The following MBOAT1 variants were observed in gnomAD, a reference collection of about 807,000 sequenced individuals.
The protein encoded by MBOAT1 is membrane bound glycerophospholipid O-acyltransferase 1.
MBOAT1 carries 67 observed loss-of-function variants against 64.4 expected under a neutral mutation model. The observed-to-expected ratio is 1.04, with a 90% confidence interval of 0.85 to 1.27. MBOAT1 has a LOEUF of 1.27. Ranked by LOEUF, MBOAT1 falls within the 50% of genes most tolerant of loss-of-function variation. The probability of loss-of-function intolerance (pLI) is 0.00; values close to 1 mark genes in which losing one functional copy is unlikely to be tolerated. For missense variants in MBOAT1, 563 were observed against 604.6 expected (o/e 0.93, Z 0.72); for synonymous variants, 229 against 218.9 (o/e 1.05, Z -0.41).
chr6:20,103,443 G>A (rs1354722738), intron 12 of MBOAT1, among the ~76,000 whole-genome samples: 1 of 151,786 alleles, frequency 6.6e-6, no homozygotes, highest in Non-Finnish European at 1.5e-5. Flanking sequence ...TTGTTTGTTT[G>A]TTGTTGAGAT....
intron 1 of MBOAT1, 117 bp downstream of exon 1, chr6:20,212,019 A>T: frequency 1.3e-6 from 1 of 771,110 alleles, no homozygotes; most frequent in Non-Finnish European, 2.1e-6. Context: ...CCAACTGTCT[A>T]GTGTGTGGCT....
At chr6:20,128,526 C>T (rs1189604119) in intron 6 of MBOAT1, among the ~76,000 whole-genome samples, 173 bp downstream of exon 6, 1 of 152,204 alleles carries the variant, frequency 6.6e-6, no homozygotes, top group Non-Finnish European at 1.5e-5. Context: ...CACTTAATCA[C>T]TTGTAAAAAC....
In MBOAT1 at chr6:20,126,676, G is replaced by A. The variant is rs1760662706; in HGVS notation, c.555C>T (p.Tyr185=). ...AIKVKPSFLE[Y]LSYLLNFMSV... ...TCATGAAATTGAGAAGGTAACTTAA[G>A]TATTCCAAAAAAGAGGGTTTCACTC... is the stretch of plus-strand genomic sequence containing the variant. Residue 185 remains tyrosine, a synonymous_variant, in exon 7 of 13, where the codon TAC becomes TAT. Coordinates refer to ENST00000324607, the MANE Select transcript of MBOAT1 (RefSeq NM_001080480.3). The A allele has an allele frequency of 1.9e-6, 3 of 1,610,052 alleles. No individual in the cohort carries two copies. The highest frequency in any genetic ancestry group is 1.1e-5 in the South Asian group (1 of 90,008).
Position 20,212,352 on chromosome 6 carries a change from C to CTCCCCCGCGAACCA in MBOAT1, c.-119_-118insTGGTTCGCGGGGGA. 1.1e-6 allele frequency: 1 copy of CTCCCCCGCGAACCA among 885,650 alleles called. No homozygotes were observed. The highest frequency in any genetic ancestry group is 1.7e-6 in the Non-Finnish European group (1 of 585,924). The allele number at this position is 885,650 out of a possible 1,614,324, so 54.9% of individuals were successfully genotyped here. A position where few individuals can be genotyped will look rare whatever the true frequency, so the allele number is the denominator to read the frequency against. On this transcript the variant is annotated 5_prime_UTR_variant, in exon 1 of 13. Transcript: ENST00000324607. ...GAGAGGCGCACGGCCGCCTGGTTCG[C>CTCCCCCGCGAACCA]GGGGGAGCGAACGGGAGGCCGGGGA...
chr6:20,146,761 C>A (rs189132470), intron 3 of MBOAT1, among the ~76,000 whole-genome samples: 2 of 152,298 alleles, frequency 1.3e-5, no homozygotes, highest in Non-Finnish European at 2.9e-5. Context: ...TTTAGTAGGA[C>A]CCCGCCTGCC....
intron 1 of MBOAT1, among the ~76,000 whole-genome samples, chr6:20,172,071 A>C (rs1317545197): frequency 1.3e-5 from 2 of 152,090 alleles, no homozygotes; most frequent in Non-Finnish European, 2.9e-5. Flanking sequence ...AACAAGAAGA[A>C]GAAGAAAAAG....
intron 1 of MBOAT1, among the ~76,000 whole-genome samples, chr6:20,207,691 T>C (rs1394835880): frequency 3.3e-5 from 5 of 152,222 alleles, no homozygotes; most frequent in African/African-American, 1.2e-4. Flanking sequence ...GACTTCAAAT[T>C]AGTTTGGAAT....
intron 8 of MBOAT1, among the ~76,000 whole-genome samples, chr6:20,120,600 C>T (rs757168686): frequency 2.0e-5 from 3 of 151,936 alleles, no homozygotes; most frequent in East Asian, 1.9e-4. Context: ...ACCCAGGACG[C>T]GGAGGTTACA....
intron 1 of MBOAT1, among the ~76,000 whole-genome samples, chr6:20,168,513 GAGAGGAGAGGAGAGA>G (rs1421298877): frequency 3.6e-5 from 5 of 139,968 alleles, no homozygotes; most frequent in South Asian, 4.7e-4. Context: ...GAGAGGAGAG[GAGAGGAGAGGAGAGA>G]AGAGGAGAGG....
intron 1 of MBOAT1, among the ~76,000 whole-genome samples, chr6:20,170,892 C>CTGAATGAA (rs36129397): frequency 0.015 from 2,210 of 150,590 alleles, 17 homozygotes; most frequent in Non-Finnish European, 0.023. Context: ...TCTCAATATT[C>CTGAATGAA]TGAATGAATG....
chr6:20,126,435 G>T, intron 7 of MBOAT1, 82 bp downstream of exon 7: 4 of 1,185,422 alleles, frequency 3.4e-6, no homozygotes, highest in South Asian at 1.5e-5. Context: ...CTGGTAAACT[G>T]TTTGGCTTCT....
chr6:20,162,985 G>A lies in MBOAT1; in HGVS notation c.100-10216C>T, dbSNP rs552777132. 4.6e-5 allele frequency among the ~76,000 whole-genome samples: 7 copies of A among 152,274 alleles called. No homozygotes were observed. The East Asian group carries it at 1.3e-3, about 29-fold the overall frequency. On this transcript the variant is annotated intron_variant, in intron 1 of 12. Transcript: ENST00000324607. ...TCCTTATACACTTAGAGATTAAATT[G>A]TACAGGGAGACTTTTGGCTTACCTT...
intron 1 of MBOAT1, among the ~76,000 whole-genome samples, chr6:20,196,196 G>A (rs995886974): frequency 2.6e-5 from 4 of 152,190 alleles, no homozygotes; most frequent in African/African-American, 9.7e-5. Flanking sequence ...CCTGGATTGG[G>A]AATACCTCAG....
chr6:20,111,932 A>T (rs1760183701), intron 11 of MBOAT1, among the ~76,000 whole-genome samples: 1 of 146,458 alleles, frequency 6.8e-6, no homozygotes, highest in Non-Finnish European at 1.5e-5. Flanking sequence ...AGAGATCCTC[A>T]GGGGAGGGAC....
intron 1 of MBOAT1, among the ~76,000 whole-genome samples, chr6:20,202,798 CTACTAG>C (rs1763160550): frequency 2.0e-5 from 3 of 152,156 alleles, no homozygotes; most frequent in African/African-American, 7.2e-5. Flanking sequence ...CCTGGCAAAA[CTACTAG>C]AAATTGACAT....
rs1246034323 is a variant in MBOAT1, at chr6:20,131,346, T to TG, written c.420-148dup. ...GACCAAATGGGAGGTAATTGAATCA[T>TG]GGGGGCAGTTACCTCCATGCTGTTC... On this transcript the variant is annotated intron_variant, in intron 4 of 12. Coordinates refer to ENST00000324607, the MANE Select transcript of MBOAT1 (RefSeq NM_001080480.3). 16 of 670,166 alleles carry TG rather than the reference T, an allele frequency of 2.4e-5. No individual in the cohort carries two copies. In the Admixed American group the frequency reaches 2.4e-4, roughly 10 times the overall value. The allele number at this position is 670,166 out of a possible 1,614,324, so 41.5% of individuals were successfully genotyped here.
At chr6:20,148,424 C>A (rs56105308) in intron 3 of MBOAT1, among the ~76,000 whole-genome samples, 12,716 of 152,054 alleles carry the variant, frequency 0.084, 1,708 homozygotes, top group African/African-American at 0.28. Flanking sequence ...TCTCAAAAAA[C>A]AAAGGGTTAG....
chr6:20,193,209 T>G (rs909487607), intron 1 of MBOAT1, among the ~76,000 whole-genome samples: 1 of 151,708 alleles, frequency 6.6e-6, no homozygotes, highest in Non-Finnish European at 1.5e-5. Flanking sequence ...GGTTTCACCG[T>G]GTTAGCCAGG....
intron 4 of MBOAT1, 109 bp from the exon 5 acceptor site, chr6:20,131,308 A>G (rs1343212060): frequency 3.1e-6 from 3 of 957,702 alleles, no homozygotes; most frequent in South Asian, 1.3e-5. Flanking sequence ...TAATCCCCAC[A>G]TGTCGTGGGA....
Sources: gnomAD v4.1 joint callset for allele counts (sites outside exome capture counted in the v4.1 genomes callset) on GRCh38, gnomAD v4.1.1 for gene constraint, MANE v1.5 for transcripts, NCBI Gene and HGNC (gene_info 2026-07-23, HGNC 2026-07-21) for gene names.